Variants in CIMAP3 observed in about 807,000 individuals in gnomAD.
CIMAP3 encodes the protein ciliary microtubule associated protein 3, also known as ciliary microtubule-associated protein 3.
chr1:111,338,482 TC>T, the CIMAP3 span, among the ~76,000 whole-genome samples: 1 of 41,184 alleles, frequency 2.4e-5, no homozygotes, highest in Non-Finnish European at 6.1e-5. Context: ...GAGAGAATAA[TC>T]ATAATCAAAT....
chr1:111,330,451 T>C, the CIMAP3 span, among the ~76,000 whole-genome samples: 1 of 152,316 alleles, frequency 6.6e-6, no homozygotes, highest in South Asian at 2.1e-4. Context: ...GGAGGCTCGT[T>C]AGTGAGGTAT....
At chr1:111,341,533 G>A in the CIMAP3 span, among the ~76,000 whole-genome samples, 5 of 152,092 alleles carry the variant, frequency 3.3e-5, no homozygotes, top group African/African-American at 4.8e-5. Flanking sequence ...TGTGAACTTC[G>A]CAAGTCACCG....
the CIMAP3 span, among the ~76,000 whole-genome samples, chr1:111,338,327 G>A: frequency 6.6e-6 from 1 of 151,320 alleles, no homozygotes; most frequent in Non-Finnish European, 1.5e-5. Flanking sequence ...GCTAGCAGAA[G>A]GCAAGAAATA....
the CIMAP3 span, among the ~76,000 whole-genome samples, chr1:111,344,718 ATT>A: frequency 2.0e-5 from 3 of 152,352 alleles, no homozygotes; most frequent in African/African-American, 7.2e-5. Flanking sequence ...TGTAAACATT[ATT>A]TTCAAAAAGC....
the CIMAP3 span, chr1:111,347,806 G>A: frequency 6.7e-7 from 1 of 1,488,604 alleles, no homozygotes; most frequent in Non-Finnish European, 9.4e-7. Flanking sequence ...TATCCACGTT[G>A]TTGCATGCAT....
the CIMAP3 span, among the ~76,000 whole-genome samples, chr1:111,340,051 G>A: frequency 1.1e-4 from 16 of 151,858 alleles, no homozygotes; most frequent in East Asian, 7.7e-4. Flanking sequence ...GAATAACGTC[G>A]CATATCTACA....
the CIMAP3 span, among the ~76,000 whole-genome samples, chr1:111,326,320 GC>G: frequency 6.6e-6 from 1 of 151,986 alleles, no homozygotes; most frequent in Non-Finnish European, 1.5e-5. Context: ...ACTCTTTCCA[GC>G]CTCTAGTATC....
the CIMAP3 span, among the ~76,000 whole-genome samples, chr1:111,346,115 C>A: frequency 6.6e-6 from 1 of 152,164 alleles, no homozygotes; most frequent in Non-Finnish European, 1.5e-5. Flanking sequence ...CTCCCCACGG[C>A]CCCCCGGGAT....
the CIMAP3 span, chr1:111,347,777 T>C: frequency 4.1e-5 from 65 of 1,597,750 alleles, 1 homozygote; most frequent in African/African-American, 6.4e-4. Flanking sequence ...CAGAAGGTAA[T>C]GTGCTGGGAT....
the CIMAP3 span, among the ~76,000 whole-genome samples, chr1:111,328,264 C>G: frequency 6.6e-6 from 1 of 152,070 alleles, no homozygotes; most frequent in Non-Finnish European, 1.5e-5. Context: ...TATTTTATGT[C>G]CAATTATGTG....
chr1:111,339,673 G>C, the CIMAP3 span, among the ~76,000 whole-genome samples: 4 of 151,800 alleles, frequency 2.6e-5, no homozygotes, highest in African/African-American at 4.9e-5. Flanking sequence ...TCTTCAAGGA[G>C]AACTACAAAC....
the CIMAP3 span, among the ~76,000 whole-genome samples, chr1:111,340,375 G>T: frequency 6.6e-6 from 1 of 152,078 alleles, no homozygotes; most frequent in Non-Finnish European, 1.5e-5. Context: ...TTAAACTAAA[G>T]AGCATCTGCA....
the CIMAP3 span, among the ~76,000 whole-genome samples, chr1:111,339,605 A>G: frequency 6.6e-6 from 1 of 151,806 alleles, no homozygotes; most frequent in African/African-American, 2.4e-5. Flanking sequence ...CCCATTCACA[A>G]TTGCTTCAAA....
chr1:111,325,323 A>G, the CIMAP3 span, among the ~76,000 whole-genome samples: 2 of 152,248 alleles, frequency 1.3e-5, no homozygotes, highest in African/African-American at 4.8e-5. Flanking sequence ...AACTTCCACA[A>G]GGTCACATAG....
At chr1:111,331,185 G>C in the CIMAP3 span, among the ~76,000 whole-genome samples, 3 of 152,104 alleles carry the variant, frequency 2.0e-5, no homozygotes, top group Non-Finnish European at 4.4e-5. Context: ...ATGTGCCTCA[G>C]GACCTGTTTG....
At chr1:111,342,092 A>C in the CIMAP3 span, among the ~76,000 whole-genome samples, 1 of 152,184 alleles carries the variant, frequency 6.6e-6, no homozygotes, top group Non-Finnish European at 1.5e-5. Flanking sequence ...CATTAAATAG[A>C]TATGACTCAA....
chr1:111,335,151 AAAGAC>A, the CIMAP3 span, among the ~76,000 whole-genome samples: 1,941 of 137,634 alleles, frequency 0.014, 158 homozygotes, highest in African/African-American at 0.039. Context: ...AAAAAAAAAA[AAAGAC>A]AGAAAAAAAA....
the CIMAP3 span, among the ~76,000 whole-genome samples, chr1:111,329,516 CATAT>C: frequency 0.034 from 3,608 of 105,338 alleles, 53 homozygotes; most frequent in Non-Finnish European, 0.038. Flanking sequence ...CACATAAACC[CATAT>C]ATATATATAT....
the CIMAP3 span, among the ~76,000 whole-genome samples, chr1:111,343,226 T>A: frequency 4.6e-5 from 7 of 152,232 alleles, no homozygotes; most frequent in African/African-American, 1.7e-4. Context: ...GAATTGATTA[T>A]TATTTAATTC....
Sources: gnomAD v4.1 joint callset for allele counts (sites outside exome capture counted in the v4.1 genomes callset) on GRCh38, gnomAD v4.1.1 for gene constraint, MANE v1.5 for transcripts, NCBI Gene and HGNC (gene_info 2026-07-23, HGNC 2026-07-21) for gene names.